The following MICALL2 variants were observed in gnomAD, a reference collection of about 807,000 sequenced individuals.
The protein encoded by MICALL2 is MICAL-like protein 2.
Under a neutral mutation model 91.1 loss-of-function variants are expected in MICALL2, and 111 were observed. That is an observed-to-expected ratio of 1.22 (90% confidence interval 1.04 to 1.43). The LOEUF is 1.43. Among genes scored for constraint, MICALL2 ranks in the 40% most tolerant of loss-of-function variants. The pLI is 0.00. For missense variants in MICALL2, 1,556 were observed against 1,236.0 expected, an observed-to-expected ratio of 1.26 and a Z score of -3.88; for synonymous variants, 694 against 525.3, an observed-to-expected ratio of 1.32 and a Z score of -4.39.
chr7:1,454,251 G>A (rs1780935205), intron 1 of MICALL2, among the ~76,000 whole-genome samples: 1 of 152,164 alleles, frequency 6.6e-6, no homozygotes, highest in African/African-American at 2.4e-5. Flanking sequence ...ATCCCACGGA[G>A]AAGGGAGCAG....
intron 1 of MICALL2, among the ~76,000 whole-genome samples, chr7:1,457,369 C>G (rs1322541624): frequency 6.6e-6 from 1 of 152,206 alleles, no homozygotes. Context: ...TAACTCCACA[C>G]CCACCGGAGC....
Position 1,445,384 on chromosome 7 carries a change from G to A in MICALL2, c.686C>T (p.Ala229Val), listed in dbSNP as rs759912290. ...GACGAAGGTGCCCGGCTCTCCTGTG[G>A]CCTTGTAGGCCCCCGAGTGCAGCGT... The part of the protein sequence containing the change: ...SCTLHSGAYK[A>V]TGEPGTFVCT... The change falls in exon 6 of 17, where the codon GCC becomes GTC. Residue 229 changes from alanine to valine, a missense_variant. Coordinates refer to ENST00000297508, the MANE Select transcript of MICALL2 (RefSeq NM_182924.4). 19 of 1,577,672 alleles carry A rather than the reference G, an allele frequency of 1.2e-5. No homozygotes were observed. The highest frequency in any genetic ancestry group is 1.1e-4 in the Admixed American group (6 of 56,242).
At chr7:1,458,771 G>A (rs915359983) in intron 1 of MICALL2, among the ~76,000 whole-genome samples, 1 of 152,236 alleles carries the variant, frequency 6.6e-6, no homozygotes, top group Non-Finnish European at 1.5e-5. Context: ...CCCCCCAGGG[G>A]CCTGAACAGG....
intron 8 of MICALL2, 66 bp downstream of exon 8, chr7:1,440,524 AT>A: frequency 7.2e-7 from 1 of 1,380,014 alleles, no homozygotes; most frequent in East Asian, 2.3e-5. Flanking sequence ...GGTCGATTAC[AT>A]ACTCACTGCA....
chr7:1,456,045 A>G (rs2128526445), intron 1 of MICALL2, among the ~76,000 whole-genome samples: 1 of 151,952 alleles, frequency 6.6e-6, no homozygotes, highest in Non-Finnish European at 1.5e-5. Flanking sequence ...CACCCCAGCC[A>G]CCACCTCATC....
chr7:1,443,857 G>C (rs553458247), intron 6 of MICALL2, among the ~76,000 whole-genome samples: 1 of 152,204 alleles, frequency 6.6e-6, no homozygotes, highest in Admixed American at 6.5e-5. Flanking sequence ...CGCCCAGTGA[G>C]GGGGTCTTTG....
Position 1,438,212 on chromosome 7 carries a change from G to T in MICALL2, c.2196C>A (p.Pro732=). Residue 732 remains proline (P), a synonymous_variant, in exon 12 of 17, where the codon CCC becomes CCA. Transcript: ENST00000297508. ...ETVTSPVRLH[P]DYLSPEEIQR... is the part of the protein sequence containing the mutation. ...GTATCTCCTCCGGGGAGAGGTAGTC[G>T]GGGTGCAGCTGGGAACGGAGGGGCG... 1 of 1,586,032 alleles carries T rather than the reference G, an allele frequency of 6.3e-7. No homozygotes were observed.
At chr7:1,439,351 TCACA>T in intron 9 of MICALL2, 1 of 255,522 alleles carries the variant, frequency 3.9e-6, no homozygotes, top group Non-Finnish European at 7.5e-6. Flanking sequence ...CACACATGCA[TCACA>T]TTCATGAAAC....
At chr7:1,455,842 C>G (rs1460253624) in intron 1 of MICALL2, among the ~76,000 whole-genome samples, 1 of 151,998 alleles carries the variant, frequency 6.6e-6, no homozygotes, top group East Asian at 1.9e-4. Context: ...GACGTCCACC[C>G]TTCTGCTGTC....
At position 1,459,223 on chromosome 7, in the gene MICALL2, G is replaced by A. The variant is rs774207416; in HGVS notation, c.104C>T (p.Ala35Val). 26 of 1,611,000 alleles carry A rather than the reference G, an allele frequency of 1.6e-5. No individual in the cohort carries two copies. The highest frequency in any genetic ancestry group is 4.0e-5 in the African/African-American group (3 of 74,754). ...GTGGCGGTGCAGGATGGCGCAGAAAGCCAGGCCGTCGCGGAACGACGTGGT... is the reference window on the plus strand; with the variant it reads ...GTGGCGGTGCAGGATGGCGCAGAAAACCAGGCCGTCGCGGAACGACGTGGT... ...NMTTSFRDGL[A>V]FCAILHRHRP... Residue 35 changes from alanine to valine, a missense_variant, in exon 1 of 17, where the codon GCT becomes GTT. Physicochemically the swap from Ala to Val is moderately conservative, Grantham distance 64. Coordinates refer to ENST00000297508, the MANE Select transcript of MICALL2 (RefSeq NM_182924.4).
rs1340564244 is a variant in MICALL2 at position 1,451,140 on chromosome 7, G to A, written c.144-852C>T. Among the ~76,000 whole-genome samples the A allele has an allele frequency of 2.6e-5, 4 of 152,180 alleles. No homozygotes were observed. Among genetic ancestry groups the A allele is most frequent in the South Asian group, 2.1e-4 (1 of 4,828 alleles). On this transcript the variant is annotated intron_variant, in intron 1 of 16. Coordinates refer to ENST00000297508, the MANE Select transcript of MICALL2 (RefSeq NM_182924.4). The surrounding 1 kb of genome is among the most constrained non-coding windows in gnomAD (Gnocchi z 4.5). Reference sequence around the variant, plus strand: ...GATGCAAGGGTCCCGGGAAGTTCCCGAGGTGAGGTCCCCGGCCAGCCTGGA... The same window carrying A: ...GATGCAAGGGTCCCGGGAAGTTCCCAAGGTGAGGTCCCCGGCCAGCCTGGA...
chr7:1,453,198 A>C (rs1414265599), intron 1 of MICALL2, among the ~76,000 whole-genome samples: 1 of 151,998 alleles, frequency 6.6e-6, no homozygotes, highest in Non-Finnish European at 1.5e-5. Context: ...CCACCACGTG[A>C]CCTTATTTGG....
intron 9 of MICALL2, 186 bp downstream of exon 9, chr7:1,439,739 A>G (rs1431292198): frequency 3.9e-5 from 18 of 459,590 alleles, no homozygotes; most frequent in Non-Finnish European, 5.2e-5. Context: ...ACACATGCAC[A>G]CATGCATCAC....
rs201797704 is a variant in MICALL2, at chr7:1,444,646, G to A, written c.1418+6C>T. The A allele has an allele frequency of 2.2e-4, 360 of 1,607,022 alleles. No individual in the cohort carries two copies. Among genetic ancestry groups the A allele is most frequent in the Non-Finnish European group, 2.8e-4 (336 of 1,179,134 alleles). ...ACCCGGGGTCCCTCGGTCCCCACGC[G>A]CTCACCTGCCAGGCGCCGGAGCGCC... On this transcript the variant is annotated splice_donor_region_variant and intron_variant, in intron 6 of 16. Transcript: ENST00000297508.
Position 1,438,857 on chromosome 7 carries a change from T to C in MICALL2, c.2105A>G (p.His702Arg), listed in dbSNP as rs758235655. Residue 702 changes from histidine to arginine, a missense_variant, in exon 10 of 17, where the codon CAC (histidine) becomes CGC (arginine). Coordinates refer to ENST00000297508, the MANE Select transcript of MICALL2 (RefSeq NM_182924.4). ...GGGCTGACCTGGTTTGCCCTGAAGG[T>C]GAGGTTTCTTCTCCTCCTCCTTCCA... ...QSWKEEEKKP[H>R]LQGKPGRPLS... 1 of 1,607,190 alleles carries C rather than the reference T, an allele frequency of 6.2e-7. No homozygotes were observed. Among genetic ancestry groups the C allele is most frequent in the Admixed American group, 1.7e-5 (1 of 59,910 alleles).
intron 1 of MICALL2, among the ~76,000 whole-genome samples, chr7:1,453,299 C>T (rs1194865278): frequency 6.6e-6 from 1 of 152,124 alleles, no homozygotes; most frequent in African/African-American, 2.4e-5. Flanking sequence ...GCCCTGGTCC[C>T]ATGGCTGGTG....
Position 1,444,877 on chromosome 7 carries a change from G to A in MICALL2, c.1193C>T (p.Ala398Val), listed in dbSNP as rs767867379. The A allele has an allele frequency of 5.0e-6, 8 of 1,593,272 alleles. No homozygotes were observed. The highest frequency in any genetic ancestry group is 2.2e-5 in the East Asian group (1 of 44,470). Residue 398 changes from alanine to valine, a missense_variant, in exon 6 of 17, where the codon GCA becomes GTA. By Grantham distance (64) the Ala-to-Val change is moderately conservative. Transcript: ENST00000297508. ...CCAGGCTGGGGGGTCCACCGTGGCT[G>A]CAGATGTGGAGCTTGAACTGAGTGT... ...QTTLSSSSTS[A>V]ATVDPPAWTP...
chr7:1,439,895 C>CG (rs1562451291), intron 9 of MICALL2, 30 bp downstream of exon 9: 1 of 1,402,916 alleles, frequency 7.1e-7, no homozygotes, highest in Non-Finnish European at 9.3e-7. Flanking sequence ...CTAGGCAACC[C>CG]GGGGGCCCCT....
chr7:1,456,678 G>A lies in MICALL2; in HGVS notation c.143+2506C>T, dbSNP rs191810669. On this transcript the variant is annotated intron_variant, in intron 1 of 16. Transcript: ENST00000297508. ...CCCAGCTACTCGGGAGGTTGAGGTGGGAGGATTGCTTGAGTCCAGGTGTTC... is the reference window on the plus strand; with the variant it reads ...CCCAGCTACTCGGGAGGTTGAGGTGAGAGGATTGCTTGAGTCCAGGTGTTC... Among the ~76,000 whole-genome samples, 368 of 152,170 alleles carry A rather than the reference G, an allele frequency of 2.4e-3. 1 individual carries two copies. Among genetic ancestry groups the A allele is most frequent in the African/African-American group, 8.5e-3 (354 of 41,490 alleles).
Sources: allele counts gnomAD v4.1 joint callset (sites outside exome capture counted in the v4.1 genomes callset), GRCh38; gene constraint gnomAD v4.1.1; non-coding constraint Gnocchi (gnomAD v3.1); transcripts MANE v1.5; gene names NCBI Gene and HGNC (gene_info 2026-07-23, HGNC 2026-07-21).